The following ROBO2 variants were observed in gnomAD, a reference collection of about 807,000 sequenced individuals.
The protein encoded by ROBO2 is roundabout homolog 2.
In ROBO2, 53 loss-of-function variants were observed where a neutral mutation model predicts 160.8. The ratio of observed to expected loss-of-function variants is 0.33; its 90% CI spans 0.26 to 0.41. The LOEUF is 0.41. ROBO2 is among the 10% of genes least tolerant of loss of function. The probability of loss-of-function intolerance (pLI) is 1.00; values close to 1 mark genes in which losing one functional copy is unlikely to be tolerated. For missense variants in ROBO2, 1,577 were observed against 1,722.4 expected (o/e 0.92, Z 1.49); for synonymous variants, 664 against 611.7 (o/e 1.09, Z -1.26).
intron 2 of ROBO2, among the ~76,000 whole-genome samples, chr3:76,109,331 A>T (rs565070257): frequency 3.1e-4 from 47 of 149,550 alleles, no homozygotes; most frequent in Admixed American, 6.6e-4. Flanking sequence ...AATACCTTTT[A>T]AAAAAACTAA....
chr3:77,445,784 G>GTTTTTTTTTTTTTT (rs66551785), intron 2 of ROBO2, among the ~76,000 whole-genome samples: 1 of 107,746 alleles, frequency 9.3e-6, no homozygotes, highest in Non-Finnish European at 2.1e-5. Flanking sequence ...CAATTAAAAG[G>GTTTTTTTTTTTTTT]TTTTTTTTTG....
intron 2 of ROBO2, among the ~76,000 whole-genome samples, chr3:77,017,670 GTT>G (rs2062361304): frequency 6.6e-6 from 1 of 151,972 alleles, no homozygotes; most frequent in South Asian, 2.1e-4. Context: ...ACTCATGAAA[GTT>G]TTCATAGTAT....
At chr3:76,192,393 G>T (rs1177444577) in intron 2 of ROBO2, among the ~76,000 whole-genome samples, 3 of 151,682 alleles carry the variant, frequency 2.0e-5, no homozygotes, top group Non-Finnish European at 4.4e-5. Context: ...TATTCTTGTT[G>T]GTATAAAAAT....
chr3:76,272,947 A>ATATAATATATATTTATATATAAAT (rs1707636694), intron 2 of ROBO2, among the ~76,000 whole-genome samples: 1 of 24,722 alleles, frequency 4.0e-5, no homozygotes, highest in Non-Finnish European at 1.4e-4. Flanking sequence ...AATATATAAA[A>ATATAATATATATTTATATATAAAT]TATATAATAT....
intron 2 of ROBO2, among the ~76,000 whole-genome samples, chr3:76,328,285 C>T (rs1189208359): frequency 2.0e-5 from 3 of 152,164 alleles, no homozygotes; most frequent in Non-Finnish European, 4.4e-5. Flanking sequence ...GAATAGAGTG[C>T]TGCTGAATAT....
chr3:75,932,930 C>G (rs1246553251), intron 1 of ROBO2, among the ~76,000 whole-genome samples: 1 of 152,090 alleles, frequency 6.6e-6, no homozygotes, highest in Non-Finnish European at 1.5e-5. Context: ...TAAATACATG[C>G]ATGTGTTATA....
chr3:77,241,818 G>T (rs975201794), intron 2 of ROBO2, among the ~76,000 whole-genome samples: 1 of 152,152 alleles, frequency 6.6e-6, no homozygotes, highest in African/African-American at 2.4e-5. Flanking sequence ...TAAGTATCAA[G>T]AAAAGATCAT....
At chr3:77,438,539 TACACAC>T (rs77955703) in intron 2 of ROBO2, among the ~76,000 whole-genome samples, 10 of 147,194 alleles carry the variant, frequency 6.8e-5, no homozygotes, top group South Asian at 2.2e-4. Context: ...GAGAAGGGGA[TACACAC>T]ACACACACAC....
chr3:77,453,637 T>C lies in ROBO2; in HGVS notation c.389-23777T>C, dbSNP rs1422602885. Among the ~76,000 whole-genome samples, 3 of 152,134 alleles carry C rather than the reference T, an allele frequency of 2.0e-5. No individual in the cohort carries two copies. The South Asian group carries it at 6.2e-4, about 31-fold the overall frequency. ...TAGAATCTGTTTGATAGGAAAAAAG[T>C]ATGTAAAATTTAGTTAATATTCCTG... On this transcript the variant is annotated intron_variant, in intron 2 of 25. Transcript: ENST00000461745.
chr3:77,351,505 C>T (rs557713066), intron 2 of ROBO2, among the ~76,000 whole-genome samples: 9 of 152,120 alleles, frequency 5.9e-5, no homozygotes, highest in East Asian at 3.9e-4. Flanking sequence ...GAACTGGGAT[C>T]GGCAAAAATG....
chr3:76,102,607 A>G (rs892101542), intron 2 of ROBO2, among the ~76,000 whole-genome samples: 2 of 152,208 alleles, frequency 1.3e-5, no homozygotes, highest in African/African-American at 2.4e-5. Context: ...AGGTCAAGAA[A>G]GATACAGATT....
chr3:76,028,571 C>G (rs2066817645), intron 2 of ROBO2, among the ~76,000 whole-genome samples: 1 of 151,684 alleles, frequency 6.6e-6, no homozygotes, highest in African/African-American at 2.4e-5. Flanking sequence ...TGAAAATCTC[C>G]AAAGAACTAG....
intron 2 of ROBO2, among the ~76,000 whole-genome samples, chr3:76,996,542 C>T (rs948348863): frequency 1.3e-4 from 20 of 152,072 alleles, no homozygotes; most frequent in East Asian, 3.9e-4. Flanking sequence ...TTACCTTGGA[C>T]GGTATGGCTA....
intron 2 of ROBO2, among the ~76,000 whole-genome samples, chr3:76,648,172 C>A (rs1407083284): frequency 6.6e-6 from 1 of 151,870 alleles, no homozygotes; most frequent in Non-Finnish European, 1.5e-5. Flanking sequence ...ATAAATGACC[C>A]ATTCTACTAA....
At chr3:76,938,268 C>T (rs568602388) in intron 2 of ROBO2, among the ~76,000 whole-genome samples, 1 of 151,820 alleles carries the variant, frequency 6.6e-6, no homozygotes, top group East Asian at 2.0e-4. Context: ...GGCAGGGGAT[C>T]GCTTGAACCC....
intron 2 of ROBO2, among the ~76,000 whole-genome samples, chr3:76,159,442 A>G (rs2072534553): frequency 6.6e-6 from 1 of 152,238 alleles, no homozygotes; most frequent in Admixed American, 6.5e-5. Context: ...AAAACAATAA[A>G]GAATTAAAAT....
intron 1 of ROBO2, among the ~76,000 whole-genome samples, chr3:75,928,763 G>C (rs1475602589): frequency 6.6e-6 from 1 of 152,028 alleles, no homozygotes; most frequent in African/African-American, 2.4e-5. Context: ...TCTGCAGCTG[G>C]TTAAGACGTG....
chr3:76,039,477 G>A (rs1441339491), intron 2 of ROBO2, among the ~76,000 whole-genome samples: 2 of 151,888 alleles, frequency 1.3e-5, no homozygotes, highest in South Asian at 2.1e-4. Context: ...AATGGTGTTT[G>A]TGATGAAAAC....
chr3:77,130,588 AG>A (rs1191250226), intron 2 of ROBO2, among the ~76,000 whole-genome samples: 2 of 152,230 alleles, frequency 1.3e-5, no homozygotes, highest in African/African-American at 4.8e-5. Context: ...TATTTAGCAC[AG>A]GCATCACCTC....
Sources: gnomAD v4.1 joint callset for allele counts (sites outside exome capture counted in the v4.1 genomes callset) on GRCh38, gnomAD v4.1.1 for gene constraint, MANE v1.5 for transcripts, NCBI Gene and HGNC (gene_info 2026-07-23, HGNC 2026-07-21) for gene names.